UGT2A1: variants seen among roughly 807,000 people sequenced by gnomAD.
The protein encoded by UGT2A1 is UDP-glucuronosyltransferase 2A1.
UGT2A1 carries 61 observed loss-of-function variants against 45.4 expected under a neutral mutation model. That is an observed-to-expected ratio of 1.34 (90% CI 1.09 to 1.66). The LOEUF (loss-of-function observed/expected upper bound fraction) is 1.66, where lower values mean the gene tolerates loss of function less well. UGT2A1 is among the 40% of genes most tolerant of loss of function. UGT2A1 has a pLI of 0.00. For missense variants in UGT2A1, 649 were observed against 574.3 expected (o/e 1.13, Z -1.33); for synonymous variants, 229 against 196.2 (o/e 1.17, Z -1.40).
chr4:69,601,779 T>C (rs1328371609), intron 3 of UGT2A1, among the ~76,000 whole-genome samples: 1 of 138,830 alleles, frequency 7.2e-6, no homozygotes, highest in Non-Finnish European at 1.5e-5. Context: ...GTCATATCAC[T>C]GGATCCCTTG....
chr4:69,634,014 G>A (rs1474369236), intron 3 of UGT2A1, among the ~76,000 whole-genome samples: 4 of 152,102 alleles, frequency 2.6e-5, no homozygotes, highest in African/African-American at 9.7e-5. Flanking sequence ...GGGAGGCCGA[G>A]GCGGGCGGAT....
chr4:69,651,822 G>A (rs979594216), intron 1 of UGT2A1, among the ~76,000 whole-genome samples: 1 of 152,208 alleles, frequency 6.6e-6, no homozygotes, highest in Non-Finnish European at 1.5e-5. Context: ...AGCCTCAGAT[G>A]AGCATATATA....
chr4:69,590,784 T>C (rs1356114867), intron 6 of UGT2A1, among the ~76,000 whole-genome samples: 5 of 152,180 alleles, frequency 3.3e-5, no homozygotes, highest in Non-Finnish European at 7.4e-5. Context: ...GAAGAAAGCA[T>C]GTTTTCCTAT....
At chr4:69,632,736 A>C (rs1442120845) in intron 3 of UGT2A1, among the ~76,000 whole-genome samples, 1 of 151,962 alleles carries the variant, frequency 6.6e-6, no homozygotes, top group Non-Finnish European at 1.5e-5. Flanking sequence ...AAAAATACAA[A>C]AATTAGCCAG....
intron 3 of UGT2A1, among the ~76,000 whole-genome samples, chr4:69,601,384 C>T (rs11940905): frequency 0.23 from 35,445 of 151,980 alleles, 4,342 homozygotes; most frequent in Middle Eastern, 0.31. Context: ...TGCCCTTCCC[C>T]GCCCCCCGGA....
intron 4 of UGT2A1, among the ~76,000 whole-genome samples, chr4:69,598,561 T>C (rs1719069125): frequency 6.6e-6 from 1 of 152,184 alleles, no homozygotes; most frequent in Admixed American, 6.5e-5. Context: ...AGCTACTTTA[T>C]GCTGATGAAT....
chr4:69,589,369 G>C lies in UGT2A1; in HGVS notation c.*3C>G. On this transcript the variant is annotated 3_prime_UTR_variant, in exon 7 of 7. Coordinates refer to ENST00000286604, the MANE Select transcript of UGT2A1 (RefSeq NM_001252275.3). ...AATATATATATTTCCTCTTTTTCTTGACCTATTCTCTTTTTTTCTTCTTTC... is the reference window on the plus strand; with the variant it reads ...AATATATATATTTCCTCTTTTTCTTCACCTATTCTCTTTTTTTCTTCTTTC... 2.5e-6 allele frequency: 4 copies of C among 1,606,632 alleles called. No homozygotes were observed. Among genetic ancestry groups the C allele is most frequent in the Non-Finnish European group, 8.5e-7 (1 of 1,176,664 alleles).
rs373574032 is a variant in UGT2A1 at position 69,610,476 on chromosome 4, T to G, written c.848-11082A>C. Reference sequence around the variant, plus strand: ...ACAAATATTTTTTTCAGTTGACTTATGAACCAATTAATATTATGCACCCTT... The same window carrying G: ...ACAAATATTTTTTTCAGTTGACTTAGGAACCAATTAATATTATGCACCCTT... On this transcript the variant is annotated intron_variant, in intron 3 of 6. Transcript: ENST00000286604. Among the ~76,000 whole-genome samples, 9 of 152,282 alleles carry G rather than the reference T, an allele frequency of 5.9e-5. No homozygotes were observed. In the East Asian group the frequency reaches 1.7e-3, roughly 29 times the overall value.
intron 3 of UGT2A1, among the ~76,000 whole-genome samples, chr4:69,601,425 C>T (rs1034815112): frequency 6.6e-6 from 1 of 152,132 alleles, no homozygotes; most frequent in African/African-American, 2.4e-5. Flanking sequence ...AAGGCAAGCA[C>T]AAAACTCACT....
rs913874438 is a variant in UGT2A1, at chr4:69,588,434, A to AT, written c.*937dup. ...CAATGATATCAAATTCCAAGTAAGC[A>AT]TTTTTTATTTTTTGGCATAAAATTA... On this transcript the variant is annotated 3_prime_UTR_variant, in exon 7 of 7. Transcript: ENST00000286604. The AT allele has an allele frequency of 1.1e-3, 170 of 152,200 alleles. No homozygotes were observed. The highest frequency in any genetic ancestry group is 3.9e-3 in the African/African-American group (162 of 41,552). The allele number at this position is 152,200 out of a possible 1,614,324, so 9.4% of individuals were successfully genotyped here.
At chr4:69,594,068 G>A (rs935834592) in intron 6 of UGT2A1, among the ~76,000 whole-genome samples, 2 of 149,876 alleles carry the variant, frequency 1.3e-5, no homozygotes, top group South Asian at 2.1e-4. Context: ...TCCACCTCCC[G>A]GGTTCACGCC....
intron 2 of UGT2A1, among the ~76,000 whole-genome samples, chr4:69,640,692 G>A (rs952716853): frequency 6.6e-6 from 1 of 151,890 alleles, no homozygotes; most frequent in African/African-American, 2.4e-5. Context: ...CTTAAATTAT[G>A]TAATTTCAGG....
intron 3 of UGT2A1, among the ~76,000 whole-genome samples, chr4:69,622,773 A>G (rs990818476): frequency 1.1e-4 from 16 of 151,746 alleles, no homozygotes; most frequent in Admixed American, 5.9e-4. Flanking sequence ...CATGACCCAT[A>G]GGGTCAACAG....
chr4:69,646,887 G>C (rs1722283773), intron 2 of UGT2A1, 43 bp downstream of exon 2: 1 of 1,399,396 alleles, frequency 7.1e-7, no homozygotes. Context: ...ACAAAGGTCT[G>C]TTTGTTCAAA....
chr4:69,649,015 GATA>G (rs1722403785), intron 1 of UGT2A1, among the ~76,000 whole-genome samples: 1 of 152,030 alleles, frequency 6.6e-6, no homozygotes, highest in Admixed American at 6.6e-5. Flanking sequence ...ACGCACATTG[GATA>G]ATATCGGATC....
chr4:69,640,398 T>C (rs914627061), intron 2 of UGT2A1, among the ~76,000 whole-genome samples: 4 of 151,942 alleles, frequency 2.6e-5, no homozygotes, highest in Admixed American at 6.6e-5. Flanking sequence ...GTAGTAATGT[T>C]AGCGGTTTAA....
At position 69,599,302 on chromosome 4, in the gene UGT2A1, G is replaced by T. The variant is rs578228771; in HGVS notation, c.940C>A (p.Pro314Thr). Residue 314 changes from proline (P) to threonine (T), a missense_variant, in exon 4 of 7, where the codon CCT becomes ACT. Transcript: ENST00000286604. ...WDFEFPRPYL[P>T]NFEFVGGLHC... is the part of the protein sequence containing the mutation. ...AATCCTCCAACAAACTCAAAATTAG[G>T]TAAGTATGGACGAGGAAATTCAAAA... The T allele has an allele frequency of 5.6e-6, 9 of 1,613,794 alleles. No individual in the cohort carries two copies. The highest frequency in any genetic ancestry group is 1.1e-5 in the South Asian group (1 of 91,060).
In UGT2A1 at chr4:69,635,828, C is replaced by CAACAAAAAAAAAAAAAAAAAAAAAAA. The variant is rs1721658620; in HGVS notation, c.716-7_716-6insTTTTTTTTTTTTTTTTTTTTTTTGTT. 2 of 49,134 alleles carry CAACAAAAAAAAAAAAAAAAAAAAAAA rather than the reference C, an allele frequency of 4.1e-5. 1 individual carries two copies. The allele number at this position is 49,134 out of a possible 1,614,324, so 3.0% of individuals were successfully genotyped here. A position where few individuals can be genotyped will look rare whatever the true frequency, so the allele number is the denominator to read the frequency against. On this transcript the variant is annotated splice_region_variant and splice_polypyrimidine_tract_variant and intron_variant, in intron 2 of 6. Transcript: ENST00000286604. ...GCAACAGAGTAAGAGTCCACCTCAC[C>CAACAAAAAAAAAAAAAAAAAAAAAAA]AAAAAAAAAAAAAAAAAAAAAAGAG...
intron 3 of UGT2A1, chr4:69,603,542 A>C (rs11721681): frequency 0.18 from 25,072 of 136,224 alleles, 6,103 homozygotes; most frequent in Non-Finnish European, 0.22. Context: ...AGCTCCTCAC[A>C]CGCAACAGAA....
Sources: gnomAD v4.1 joint callset for allele counts (sites outside exome capture counted in the v4.1 genomes callset) on GRCh38, gnomAD v4.1.1 for gene constraint, MANE v1.5 for transcripts, NCBI Gene and HGNC (gene_info 2026-07-23, HGNC 2026-07-21) for gene names.